CDH13: variants seen among roughly 807,000 people sequenced by gnomAD.
CDH13 encodes the protein cadherin-13.
In CDH13, 24 loss-of-function variants were observed where a neutral mutation model predicts 63.8. The ratio of observed to expected loss-of-function variants is 0.38; its 90% CI spans 0.27 to 0.53. CDH13 has a LOEUF of 0.53. Among genes scored for constraint, CDH13 ranks in the 20% least tolerant of loss-of-function variants. The pLI, the probability that CDH13 is intolerant of heterozygous loss-of-function variation, is 0.85. For missense variants in CDH13, 1,049 were observed against 903.1 expected (o/e 1.16, Z -2.07); for synonymous variants, 503 against 355.3 (o/e 1.42, Z -4.67).
intron 5 of CDH13, among the ~76,000 whole-genome samples, chr16:83,304,891 A>T (rs1050616889): frequency 2.0e-5 from 3 of 151,938 alleles, no homozygotes; most frequent in Non-Finnish European, 2.9e-5. Flanking sequence ...GTGTGTGTGT[A>T]GTGTGTAGTT....
At chr16:83,455,409 G>T (rs983960980) in intron 6 of CDH13, among the ~76,000 whole-genome samples, 1 of 152,080 alleles carries the variant, frequency 6.6e-6, no homozygotes, top group African/African-American at 2.4e-5. Flanking sequence ...GGGATGAGTC[G>T]CAGGTTCCAT....
intron 5 of CDH13, among the ~76,000 whole-genome samples, chr16:83,271,725 A>T (rs1017918104): frequency 6.6e-6 from 1 of 152,160 alleles, no homozygotes; most frequent in Non-Finnish European, 1.5e-5. Context: ...CTTTCTTTGC[A>T]AAGTCTTTTA....
intron 6 of CDH13, among the ~76,000 whole-genome samples, chr16:83,460,559 C>T (rs1161439605): frequency 6.6e-6 from 1 of 152,064 alleles, no homozygotes; most frequent in African/African-American, 2.4e-5. Context: ...CCAGGACATG[C>T]ATATGTGGAA....
intron 4 of CDH13, among the ~76,000 whole-genome samples, chr16:83,143,724 T>C (rs1345265573): frequency 6.6e-6 from 1 of 152,190 alleles, no homozygotes; most frequent in East Asian, 1.9e-4. Context: ...TCTGCTCTTC[T>C]ATACAACCTG....
chr16:82,994,917 C>T (rs72792140), intron 2 of CDH13, among the ~76,000 whole-genome samples: 18,670 of 152,144 alleles, frequency 0.12, 1,280 homozygotes, highest in African/African-American at 0.18. Flanking sequence ...TACATGACCT[C>T]GGGCAAGTTT....
At chr16:83,054,078 G>T (rs551867360) in intron 3 of CDH13, among the ~76,000 whole-genome samples, 1 of 152,130 alleles carries the variant, frequency 6.6e-6, no homozygotes, top group Admixed American at 6.5e-5. Flanking sequence ...TACTGTACGG[G>T]TTTATAGCCT....
chr16:83,065,240 A>T (rs79845505), intron 3 of CDH13, among the ~76,000 whole-genome samples: 10,338 of 152,256 alleles, frequency 0.068, 393 homozygotes, highest in African/African-American at 0.076. Context: ...TAATGGTCGG[A>T]TATAGAAAAA....
intron 1 of CDH13, among the ~76,000 whole-genome samples, chr16:82,690,333 T>G (rs77070489): frequency 0.039 from 6,012 of 152,234 alleles, 382 homozygotes; most frequent in East Asian, 0.32. Context: ...CATTGCTATT[T>G]TTAAATATTT....
intron 1 of CDH13, among the ~76,000 whole-genome samples, chr16:82,681,462 C>G (rs1467136249): frequency 6.6e-6 from 1 of 152,108 alleles, no homozygotes; most frequent in Non-Finnish European, 1.5e-5. Context: ...TTCCAGATGT[C>G]ATTAATGGCC....
At chr16:83,695,107 T>C (rs1357960836) in intron 10 of CDH13, among the ~76,000 whole-genome samples, 1 of 152,086 alleles carries the variant, frequency 6.6e-6, no homozygotes, top group East Asian at 1.9e-4. Flanking sequence ...TTCAGGAGGC[T>C]AAGGCAGGAG....
At position 83,015,677 on chromosome 16, in the gene CDH13, GTATATATATATATATATATATATATA is replaced by G. The variant is rs71148803; in HGVS notation, c.158-16312_158-16287del. Among the ~76,000 whole-genome samples, 25 of 37,562 alleles carry G rather than the reference GTATATATATATATATATATATATATA, an allele frequency of 6.7e-4. 3 individuals carry two copies. The highest frequency in any genetic ancestry group is 1.5e-3 in the South Asian group (1 of 662). The allele number at this position is 37,562 out of a possible 152,430, so 24.6% of individuals were successfully genotyped here. On this transcript the variant is annotated intron_variant, in intron 2 of 13. Transcript: ENST00000567109. ...CATATATGTGTGTGTGTGTGTGTAT[GTATATATATATATATATATATATATA>G]TATATATATATATATATATAAAGAA...
intron 8 of CDH13, among the ~76,000 whole-genome samples, chr16:83,637,232 T>C (rs1001865204): frequency 2.0e-5 from 3 of 150,822 alleles, no homozygotes; most frequent in Non-Finnish European, 4.4e-5. Flanking sequence ...AAACGTCTAA[T>C]AGAAAAATTT....
At chr16:83,413,300 T>C (rs1386173964) in intron 6 of CDH13, among the ~76,000 whole-genome samples, 1 of 152,212 alleles carries the variant, frequency 6.6e-6, no homozygotes, top group Non-Finnish European at 1.5e-5. Flanking sequence ...CAATCAATGA[T>C]ATTTTAAAGC....
intron 9 of CDH13, among the ~76,000 whole-genome samples, chr16:83,675,294 A>G (rs1914862365): frequency 6.6e-6 from 1 of 152,186 alleles, no homozygotes; most frequent in South Asian, 2.1e-4. Flanking sequence ...GGCCCTGGGC[A>G]TCATACAGCT....
At chr16:82,728,991 G>A (rs141628881) in intron 1 of CDH13, among the ~76,000 whole-genome samples, 7 of 152,242 alleles carry the variant, frequency 4.6e-5, no homozygotes, top group East Asian at 3.9e-4. Flanking sequence ...TCTATAAGAA[G>A]CAACTCCTCA....
At chr16:83,383,448 A>G (rs547301704) in intron 6 of CDH13, among the ~76,000 whole-genome samples, 3 of 152,244 alleles carry the variant, frequency 2.0e-5, no homozygotes, top group African/African-American at 7.2e-5. Flanking sequence ...GCCTTGACTC[A>G]CCTGCCAGTT....
intron 3 of CDH13, among the ~76,000 whole-genome samples, chr16:83,064,384 A>C (rs545917058): frequency 1.3e-5 from 2 of 152,128 alleles, no homozygotes; most frequent in South Asian, 2.1e-4. Context: ...AGAAAGTTAT[A>C]TGAGTATTGT....
At chr16:83,147,269 T>C (rs75275669) in intron 4 of CDH13, among the ~76,000 whole-genome samples, 1 of 152,220 alleles carries the variant, frequency 6.6e-6, no homozygotes, top group African/African-American at 2.4e-5. Context: ...CACATCCACC[T>C]TCTTCCGTCC....
intron 11 of CDH13, among the ~76,000 whole-genome samples, chr16:83,749,225 A>G (rs1317706821): frequency 6.6e-6 from 1 of 152,086 alleles, no homozygotes; most frequent in Non-Finnish European, 1.5e-5. Context: ...CCATTGTTAT[A>G]CTCAACAAGG....
Sources: allele counts gnomAD v4.1 joint callset (sites outside exome capture counted in the v4.1 genomes callset), GRCh38; gene constraint gnomAD v4.1.1; transcripts MANE v1.5; gene names NCBI Gene and HGNC (gene_info 2026-07-23, HGNC 2026-07-21).